COL6A3: variants seen among roughly 807,000 people sequenced by gnomAD.
COL6A3 encodes collagen alpha-3(VI) chain.
A neutral mutation model predicts 274.1 loss-of-function variants in COL6A3; 137 were observed. The observed-to-expected ratio is 0.50, with a 90% CI of 0.44 to 0.58. The LOEUF (loss-of-function observed/expected upper bound fraction) is 0.58. COL6A3 is among the 20% of genes least tolerant of loss of function. The pLI is 0.00. For missense variants in COL6A3, 3,950 were observed against 4,124.9 expected (o/e 0.96, Z 1.16); for synonymous variants, 1,650 against 1,650.6 (o/e 1.00, Z 0.01).
intron 43 of COL6A3, 60 bp downstream of exon 43, chr2:237,325,500 G>T: frequency 1.3e-6 from 2 of 1,556,976 alleles, no homozygotes; most frequent in South Asian, 1.1e-5. Context: ...TTTTCAAGGT[G>T]ACTTATTGAC....
At chr2:237,401,462 A>G (rs990046810) in intron 1 of COL6A3, among the ~76,000 whole-genome samples, 1 of 151,350 alleles carries the variant, frequency 6.6e-6, no homozygotes, top group Non-Finnish European at 1.5e-5. Context: ...TACACACACA[A>G]TGGAATTTTT....
chr2:237,411,995 G>A (rs1319975578), intron 1 of COL6A3, among the ~76,000 whole-genome samples: 1 of 152,174 alleles, frequency 6.6e-6, no homozygotes, highest in Non-Finnish European at 1.5e-5. Flanking sequence ...ACCCCAACAT[G>A]GAATTCCTTC....
intron 1 of COL6A3, among the ~76,000 whole-genome samples, chr2:237,403,014 T>C (rs888882775): frequency 1.3e-5 from 2 of 152,164 alleles, no homozygotes; most frequent in Non-Finnish European, 2.9e-5. Context: ...TGATGAGTGA[T>C]GTAACTTTGC....
At position 237,380,926 on chromosome 2, in the gene COL6A3, C is replaced by T. The variant is rs532388240; in HGVS notation, c.1886G>A (p.Gly629Glu). ...GLLAPLRTLS[G>E]TPEVHSNKRD... ...CATCACCACCATACCTTCAGGGGTT[C>T]CAGAGAGGGTCCTGAGAGGTGCCAG... Residue 629 changes from glycine (G) to glutamate (E), a missense_variant, in exon 5 of 44, where the codon GGA (glycine) becomes GAA (glutamate). Physicochemically the swap from Gly to Glu is moderately conservative, Grantham distance 98. Transcript: ENST00000295550. 6.2e-6 allele frequency: 10 copies of T among 1,613,992 alleles called. No individual in the cohort carries two copies. In the South Asian group the frequency reaches 8.8e-5, roughly 14 times the overall value.
intron 41 of COL6A3, among the ~76,000 whole-genome samples, chr2:237,334,076 G>A (rs956594233): frequency 6.6e-6 from 1 of 152,228 alleles, no homozygotes; most frequent in African/African-American, 2.4e-5. Flanking sequence ...CAGCACTCAA[G>A]TGCAGGCCTC....
chr2:237,359,190 G>A lies in COL6A3; in HGVS notation c.6354+16C>T, dbSNP rs1314468175. The A allele has an allele frequency of 4.3e-6, 7 of 1,614,062 alleles. No homozygotes were observed. In the Admixed American group the frequency reaches 1.2e-4, roughly 27 times the overall value. On this transcript the variant is annotated intron_variant, in intron 19 of 43. Transcript: ENST00000295550. ...CAGAACCAAAAGCAGTTTGGACTTA[G>A]AGTAAAATCACTTACATCTTCACCA...
At position 237,366,802 on chromosome 2, in the gene COL6A3, T is replaced by C; in HGVS notation, c.5385A>G (p.Thr1795=). Residue 1795 remains threonine (T), a synonymous_variant, in exon 11 of 44, where the codon ACA becomes ACG. Coordinates refer to ENST00000295550, the MANE Select transcript of COL6A3 (RefSeq NM_004369.4). ...CCTGGACGTTGCCCACGCGGAACGC[T>C]GTGGCGCTGTTGGACGCTATCTTTC... ...EVGKIASNSA[T]AFRVGNVQEL... is the part of the protein sequence containing the mutation. The C allele has an allele frequency of 6.2e-7, 1 of 1,614,292 alleles. No homozygotes were observed. Among genetic ancestry groups the C allele is most frequent in the Non-Finnish European group, 8.5e-7 (1 of 1,180,058 alleles).
rs1276065317 is a variant in COL6A3 at position 237,387,948 on chromosome 2, C to G, written c.946G>C (p.Gly316Arg). ...AGGCCGATATTGGCCAACTCCCCAC[C>G]AGCAAACCCGAGGGCTTTCACTGCA... Reference protein sequence around the residue: ...LGAVKALGFAGGELANIGLAL... With the variant: ...LGAVKALGFARGELANIGLAL... Residue 316 changes from glycine (G) to arginine (R), a missense_variant, in exon 4 of 44, where the codon GGT becomes CGT. Gly to Arg is a moderately radical substitution (Grantham distance 125). Around this residue, in one of 5 missense-constraint regions of COL6A3, gnomAD observed 1,934 missense variants for 1,984.3 expected, o/e 0.97. Coordinates refer to ENST00000295550, the MANE Select transcript of COL6A3 (RefSeq NM_004369.4). 2 of 1,614,228 alleles carry G rather than the reference C, an allele frequency of 1.2e-6. No homozygotes were observed. Among genetic ancestry groups the G allele is most frequent in the South Asian group, 2.2e-5 (2 of 91,078 alleles).
At chr2:237,373,463 G>A (rs1049670935) in intron 8 of COL6A3, among the ~76,000 whole-genome samples, 4 of 152,110 alleles carry the variant, frequency 2.6e-5, no homozygotes, top group Admixed American at 1.3e-4. Flanking sequence ...AACCTGGTGG[G>A]CCACACTGCT....
intron 1 of COL6A3, among the ~76,000 whole-genome samples, chr2:237,408,824 C>T (rs1353572733): frequency 6.6e-6 from 1 of 152,202 alleles, no homozygotes; most frequent in Non-Finnish European, 1.5e-5. Flanking sequence ...ACAAGACTAA[C>T]AATTTGCCTT....
intron 36 of COL6A3, chr2:237,342,978 G>T (rs2077020648): frequency 6.6e-6 from 1 of 152,228 alleles, no homozygotes; most frequent in African/African-American, 2.4e-5. Context: ...ATCCAATGTG[G>T]AAGGAAAGAC....
At chr2:237,369,416 C>G (rs1559241154) in intron 9 of COL6A3, among the ~76,000 whole-genome samples, 1 of 152,202 alleles carries the variant, frequency 6.6e-6, no homozygotes, top group Non-Finnish European at 1.5e-5. Context: ...TGAATTTACT[C>G]TATTTAAATT....
chr2:237,407,683 A>G lies in COL6A3; in HGVS notation c.-31+6270T>C, dbSNP rs1372130845. ...AAAACATATTCCTAGCATTGCAGAT[A>G]ATAACCATGAGGCAGAAAGTTCCAT... On this transcript the variant is annotated intron_variant, in intron 1 of 43. Transcript: ENST00000295550. The surrounding 1 kb of genome is among the most constrained non-coding windows in gnomAD (Gnocchi z 4.3). 2.6e-5 allele frequency among the ~76,000 whole-genome samples: 4 copies of G among 152,226 alleles called. No homozygotes were observed. Among genetic ancestry groups the G allele is most frequent in the Non-Finnish European group, 5.9e-5 (4 of 68,042 alleles).
At chr2:237,356,066 G>A (rs1343333509) in intron 23 of COL6A3, among the ~76,000 whole-genome samples, 1 of 152,190 alleles carries the variant, frequency 6.6e-6, no homozygotes, top group African/African-American at 2.4e-5. Context: ...GGGATAGCAG[G>A]CCATTAGACC....
intron 20 of COL6A3, 113 bp downstream of exon 20, chr2:237,358,922 G>A: frequency 1.7e-6 from 2 of 1,198,820 alleles, no homozygotes; most frequent in Non-Finnish European, 2.5e-6. Flanking sequence ...GGAGGTCAGG[G>A]AAGGCTGCCT....
intron 42 of COL6A3, among the ~76,000 whole-genome samples, chr2:237,331,464 T>C (rs1281898825): frequency 1.3e-5 from 2 of 152,152 alleles, no homozygotes; most frequent in Non-Finnish European, 2.9e-5. Flanking sequence ...CATTTTGAAT[T>C]TTAGACATTT....
In COL6A3 at chr2:237,359,208, C is replaced by A. The variant is rs374476448; in HGVS notation, c.6352G>T (p.Asp2118Tyr). 3.1e-5 allele frequency: 50 copies of A among 1,614,142 alleles called. No homozygotes were observed. The highest frequency in any genetic ancestry group is 1.6e-4 in the Middle Eastern group (1 of 6,084). Residue 2118 changes from aspartate to tyrosine, a missense_variant and splice_region_variant, in exon 19 of 44, where the codon GAT becomes TAT. Physicochemically the swap from Asp to Tyr is radical, Grantham distance 160. This residue lies in a region of COL6A3 where 92 missense variants were observed against 143.4 expected (regional missense o/e 0.64). Transcript: ENST00000295550. ...GGACTTAGAGTAAAATCACTTACATCTTCACCATCCAGACCATCCAGTCCA... is the reference window on the plus strand; with the variant it reads ...GGACTTAGAGTAAAATCACTTACATATTCACCATCCAGACCATCCAGTCCA... Reference protein sequence around the residue: ...EIGLDGLDGEDGDKGLPGSSG... With the variant: ...EIGLDGLDGEYGDKGLPGSSG...
chr2:237,369,179 T>G lies in COL6A3; in HGVS notation c.4286-2A>C, dbSNP rs761453030. 3.1e-6 allele frequency: 5 copies of G among 1,609,176 alleles called. No individual in the cohort carries two copies. The South Asian group carries it at 5.5e-5, about 18-fold the overall frequency. Reference sequence around the variant, plus strand: ...TGTCTGCAGCATCACTCTCAACTGCTGCAGATCAAAGAAGAAAAAGGGAAA... The same window carrying G: ...TGTCTGCAGCATCACTCTCAACTGCGGCAGATCAAAGAAGAAAAAGGGAAA... On this transcript the variant is annotated splice_acceptor_variant, in intron 9 of 43. Transcript: ENST00000295550. LOFTEE classifies it high-confidence loss of function.
chr2:237,359,586 A>ATGCTTGGGTGGTCTTGGCTCCC (rs2077390623), intron 17 of COL6A3, among the ~76,000 whole-genome samples, 198 bp from the exon 18 acceptor site: 1 of 152,240 alleles, frequency 6.6e-6, no homozygotes, highest in Non-Finnish European at 1.5e-5. Flanking sequence ...CTAGAACTGA[A>ATGCTTGGGTGGTCTTGGCTCCC]TGCTTGGGTG....
Sources: gnomAD v4.1 joint callset for allele counts (sites outside exome capture counted in the v4.1 genomes callset) on GRCh38, gnomAD v4.1.1 for gene constraint, gnomAD v4.1.1 regional missense constraint, Gnocchi (gnomAD v3.1) non-coding constraint, MANE v1.5 for transcripts, NCBI Gene and HGNC (gene_info 2026-07-23, HGNC 2026-07-21) for gene names.